Variants in LRRC8E observed in about 807,000 individuals in gnomAD.
LRRC8E encodes volume-regulated anion channel subunit LRRC8E.
In LRRC8E, 6 loss-of-function variants were observed where a neutral mutation model predicts 6.1. That is an observed-to-expected ratio of 0.98 (90% confidence interval 0.54 to 1.93). The LOEUF is 1.93. Among genes scored for constraint, LRRC8E ranks in the 30% most tolerant of loss-of-function variants. LRRC8E has a pLI of 0.01. For synonymous variants in LRRC8E, 485 were observed against 472.8 expected (o/e 1.03, Z -0.33); for missense variants, 1,028 against 1,031.4 (o/e 1.00, Z 0.04).
chr19:7,897,041 G>A (rs764282586), intron 2 of LRRC8E, among the ~76,000 whole-genome samples: 7 of 152,170 alleles, frequency 4.6e-5, no homozygotes, highest in Non-Finnish European at 7.3e-5. Context: ...GTCTGGTTCT[G>A]GAGGCCAGAA....
intron 1 of LRRC8E, among the ~76,000 whole-genome samples, chr19:7,892,270 C>T (rs1057095370): frequency 5.3e-5 from 8 of 151,986 alleles, no homozygotes; most frequent in Non-Finnish European, 7.4e-5. Flanking sequence ...GACGGGGTTT[C>T]GCCGCATTAG....
Position 7,899,881 on chromosome 19 carries a change from C to A in LRRC8E, c.1359C>A (p.Pro453=), listed in dbSNP as rs1981860873. The part of the protein sequence containing the change: ...RLEAICDITF[P]PGLSQLVHLQ... ...AGGCCATCTGCGATATCACCTTCCC[C>A]CCGGGGCTGTCACAGCTGGTGCACT... The change falls in exon 3 of 3, where the codon CCC becomes CCA. Residue 453 remains proline (P), a synonymous_variant. Coordinates refer to ENST00000306708, the MANE Select transcript of LRRC8E (RefSeq NM_025061.6). 6.2e-7 allele frequency: 1 copy of A among 1,606,936 alleles called. No homozygotes were observed. The highest frequency in any genetic ancestry group is 1.1e-5 in the South Asian group (1 of 91,082).
intron 1 of LRRC8E, among the ~76,000 whole-genome samples, chr19:7,894,766 C>T (rs1981489331): frequency 6.6e-6 from 1 of 152,186 alleles, no homozygotes; most frequent in Admixed American, 6.5e-5. Context: ...AAAGGAGACC[C>T]TGGGAACAGA....
In LRRC8E at chr19:7,900,532, C is replaced by T. The variant is rs774528306; in HGVS notation, c.2010C>T (p.Ser670=). The change falls in exon 3 of 3, where the codon TCC becomes TCT. Residue 670 remains serine (S), a synonymous_variant. Coordinates refer to ENST00000306708, the MANE Select transcript of LRRC8E (RefSeq NM_025061.6). This position sits in a 1 kb window ranked among gnomAD's most constrained non-coding sequence, Gnocchi z 5.0. Reference sequence around the variant, plus strand: ...ACAACAAGCTGGAGACCCTGCCCTCCCAGCTCGGCCTGTGCTCAGGCCTCC... The same window carrying T: ...ACAACAAGCTGGAGACCCTGCCCTCTCAGCTCGGCCTGTGCTCAGGCCTCC... ...LSYNKLETLP[S]QLGLCSGLRL... is the part of the protein sequence containing the mutation. 1.9e-6 allele frequency: 3 copies of T among 1,613,084 alleles called. No homozygotes were observed. In the South Asian group the frequency reaches 3.3e-5, roughly 18 times the overall value.
In LRRC8E at chr19:7,898,728, G is replaced by A. The variant is rs771478399; in HGVS notation, c.206G>A (p.Cys69Tyr). The change falls in exon 3 of 3, where the codon TGC (cysteine) becomes TAC (tyrosine). Residue 69 changes from cysteine to tyrosine, a missense_variant. By Grantham distance (194) the Cys-to-Tyr change is radical. Coordinates refer to ENST00000306708, the MANE Select transcript of LRRC8E (RefSeq NM_025061.6). ...ELQENLSEAP[C>Y]QQLLPRGIPE... Reference sequence around the variant, plus strand: ...CAGGAGAACTTATCAGAGGCCCCGTGCCAGCAATTGCTGCCTCGGGGGATC... The same window carrying A: ...CAGGAGAACTTATCAGAGGCCCCGTACCAGCAATTGCTGCCTCGGGGGATC... 5.4e-5 allele frequency: 87 copies of A among 1,613,850 alleles called. No individual in the cohort carries two copies. The highest frequency in any genetic ancestry group is 1.3e-5 in the Non-Finnish European group (15 of 1,179,964).
intron 2 of LRRC8E, among the ~76,000 whole-genome samples, chr19:7,897,914 C>G (rs1378067104): frequency 6.6e-6 from 1 of 151,982 alleles, no homozygotes; most frequent in Non-Finnish European, 1.5e-5. Context: ...TTTTCTCAGA[C>G]AAAGACCAGT....
Position 7,900,263 on chromosome 19 carries a change from C to A in LRRC8E, c.1741C>A (p.Leu581Met). ...RLVALNSLKK[L>M]AALRELELVA... is the part of the protein sequence containing the mutation. Reference sequence around the variant, plus strand: ...GGTTGCCCTGAACAGCCTCAAGAAGCTGGCGGCATTGCGGGAGCTGGAGCT... The same window carrying A: ...GGTTGCCCTGAACAGCCTCAAGAAGATGGCGGCATTGCGGGAGCTGGAGCT... The change falls in exon 3 of 3, where the codon CTG becomes ATG. Residue 581 changes from leucine to methionine, a missense_variant. Coordinates refer to ENST00000306708, the MANE Select transcript of LRRC8E (RefSeq NM_025061.6). This position sits in a 1 kb window ranked among gnomAD's most constrained non-coding sequence, Gnocchi z 5.0. The A allele has an allele frequency of 6.2e-7, 1 of 1,613,444 alleles. No homozygotes were observed. The highest frequency in any genetic ancestry group is 8.5e-7 in the Non-Finnish European group (1 of 1,180,026).
rs1382734038 is a variant in LRRC8E, at chr19:7,895,741, G to T, written c.138G>T (p.Gln46His). 1 of 1,612,352 alleles carries T rather than the reference G, an allele frequency of 6.2e-7. No homozygotes were observed. The highest frequency in any genetic ancestry group is 1.1e-5 in the South Asian group (1 of 91,054). Residue 46 changes from glutamine to histidine, a missense_variant and splice_region_variant, in exon 2 of 3, where the codon CAG (glutamine) becomes CAT (histidine). Coordinates refer to ENST00000306708, the MANE Select transcript of LRRC8E (RefSeq NM_025061.6). This position sits in a 1 kb window ranked among gnomAD's most constrained non-coding sequence, Gnocchi z 4.7. Reference sequence around the variant, plus strand: ...TTGGGGTCTTTGGCTGCACCCTCCAGGTGAGGCCCTCCCCTGGCAAGGGGG... The same window carrying T: ...TTGGGGTCTTTGGCTGCACCCTCCATGTGAGGCCCTCCCCTGGCAAGGGGG... ...LMIGVFGCTL[Q>H]VTQDKIICLP...
chr19:7,899,796 T>C lies in LRRC8E; in HGVS notation c.1274T>C (p.Met425Thr). 3 of 1,608,682 alleles carry C rather than the reference T, an allele frequency of 1.9e-6. No homozygotes were observed. The highest frequency in any genetic ancestry group is 2.5e-6 in the Non-Finnish European group (3 of 1,179,986). ...GGCCGGCTGGAGCTGGCCCTCTGCATGCTGCCGGGTCTGCCCGACACCGTC... is the reference window on the plus strand; with the variant it reads ...GGCCGGCTGGAGCTGGCCCTCTGCACGCTGCCGGGTCTGCCCGACACCGTC... The part of the protein sequence containing the change: ...AAGRLELALC[M>T]LPGLPDTVFE... Residue 425 changes from methionine (M) to threonine (T), a missense_variant, in exon 3 of 3, where the codon ATG becomes ACG. By Grantham distance (81) the Met-to-Thr change is moderately conservative (BLOSUM62 -1). Coordinates refer to ENST00000306708, the MANE Select transcript of LRRC8E (RefSeq NM_025061.6).
chr19:7,900,927 C>T lies in LRRC8E; in HGVS notation c.*14C>T. The T allele has an allele frequency of 6.6e-7, 1 of 1,509,202 alleles. No individual in the cohort carries two copies. The highest frequency in any genetic ancestry group is 8.8e-7 in the Non-Finnish European group (1 of 1,130,772). 93.5% of individuals were successfully genotyped at this position (1,509,202 alleles called of 1,614,324 possible). ...GAGGAGGAATGAAGCTGGGGTGGGG[C>T]CGTTTTAGGTAGAGCCTTAAAAATG... On this transcript the variant is annotated 3_prime_UTR_variant, in exon 3 of 3. Coordinates refer to ENST00000306708, the MANE Select transcript of LRRC8E (RefSeq NM_025061.6). This position sits in a 1 kb window ranked among gnomAD's most constrained non-coding sequence, Gnocchi z 5.0.
At position 7,895,484 on chromosome 19, in the gene LRRC8E, G is replaced by A; in HGVS notation, c.-5-115G>A. 1.5e-6 allele frequency: 2 copies of A among 1,356,268 alleles called. No individual in the cohort carries two copies. The highest frequency in any genetic ancestry group is 1.0e-6 in the Non-Finnish European group (1 of 974,124). The allele number at this position is 1,356,268 out of a possible 1,614,324, so 84.0% of individuals were successfully genotyped here. A position where few individuals can be genotyped will look rare whatever the true frequency, so the allele number is the denominator to read the frequency against. ...GCACACACTTTGGTGGTTTGGACAA[G>A]TTTGGGCAGGGAGGGTCACAGGCCT... On this transcript the variant is annotated intron_variant, in intron 1 of 2. Transcript: ENST00000306708. The surrounding 1 kb of genome is among the most constrained non-coding windows in gnomAD (Gnocchi z 4.7).
Position 7,895,650 on chromosome 19 carries a change from C to T in LRRC8E, c.47C>T (p.Ala16Val). 6.2e-7 allele frequency: 1 copy of T among 1,614,112 alleles called. No individual in the cohort carries two copies. The highest frequency in any genetic ancestry group is 8.5e-7 in the Non-Finnish European group (1 of 1,179,988). ...AAGCAGTTCACGGAACAGCAGCCTGCGTTCAAGGTGCTCAAACCCTGGTGG... is the reference window on the plus strand; with the variant it reads ...AAGCAGTTCACGGAACAGCAGCCTGTGTTCAAGGTGCTCAAACCCTGGTGG... ...EFKQFTEQQPAFKVLKPWWDV... is the reference protein window; with the variant it reads ...EFKQFTEQQPVFKVLKPWWDV... Residue 16 changes from alanine (A) to valine (V), a missense_variant, in exon 2 of 3, where the codon GCG becomes GTG. Coordinates refer to ENST00000306708, the MANE Select transcript of LRRC8E (RefSeq NM_025061.6). This position sits in a 1 kb window ranked among gnomAD's most constrained non-coding sequence, Gnocchi z 4.7.
intron 2 of LRRC8E, 150 bp from the exon 3 acceptor site, chr19:7,898,511 C>T (rs1029733294): frequency 1.5e-6 from 1 of 685,566 alleles, no homozygotes; most frequent in Non-Finnish European, 2.5e-6. Context: ...AGGTGCCCAC[C>T]ACCATGCCCG....
rs757052284 is a variant in LRRC8E at position 7,898,636 on chromosome 19, G to A, written c.139-25G>A. On this transcript the variant is annotated intron_variant, in intron 2 of 2. Coordinates refer to ENST00000306708, the MANE Select transcript of LRRC8E (RefSeq NM_025061.6). ...GGCCTCCCAAAGTGCTAGGATTACA[G>A]CCCTCATTCTCTTTTGCTCCTCAGG... The A allele has an allele frequency of 3.2e-6, 5 of 1,571,974 alleles. No homozygotes were observed. The Admixed American group carries it at 9.0e-5, about 28-fold the overall frequency.
chr19:7,899,561 G>A lies in LRRC8E; in HGVS notation c.1039G>A (p.Val347Met), dbSNP rs770333351. 24 of 1,613,744 alleles carry A rather than the reference G, an allele frequency of 1.5e-5. No individual in the cohort carries two copies. Among genetic ancestry groups the A allele is most frequent in the Admixed American group, 5.0e-5 (3 of 59,998 alleles). ...CCTCAAGGAGTACTCCTTCCGTTCC[G>A]TGCGGGAGGAGACTGGCATGGGGGA... ...RPLKEYSFRS[V>M]REETGMGDIP... The change falls in exon 3 of 3, where the codon GTG becomes ATG. Residue 347 changes from valine to methionine, a missense_variant. By Grantham distance (21) the Val-to-Met change is conservative. Transcript: ENST00000306708.
rs778982100 is a variant in LRRC8E, at chr19:7,900,149, C to T, written c.1627C>T (p.Arg543Trp). 47 of 1,612,806 alleles carry T rather than the reference C, an allele frequency of 2.9e-5. No individual in the cohort carries two copies. The Middle Eastern group carries it at 1.5e-3, about 51-fold the overall frequency. Residue 543 changes from arginine to tryptophan, a missense_variant, in exon 3 of 3, where the codon CGG (arginine) becomes TGG (tryptophan). Physicochemically the swap from Arg to Trp is moderately radical, Grantham distance 101 (BLOSUM62 -3). Transcript: ENST00000306708. The surrounding 1 kb of genome is among the most constrained non-coding windows in gnomAD (Gnocchi z 5.0). ...GAAGCAGCTCAAGGTGTTGTCCCTC[C>T]GGAGCAACGCCGGGAAGGTGCCAGC... ...ELKQLKVLSLRSNAGKVPASV... is the reference protein window; with the variant it reads ...ELKQLKVLSLWSNAGKVPASV...
At position 7,899,427 on chromosome 19, in the gene LRRC8E, A is replaced by G. The variant is rs144897674; in HGVS notation, c.905A>G (p.Asn302Ser). 282 of 1,614,104 alleles carry G rather than the reference A, an allele frequency of 1.7e-4. No individual in the cohort carries two copies. The highest frequency in any genetic ancestry group is 1.5e-5 in the Non-Finnish European group (18 of 1,180,006). Residue 302 changes from asparagine (N) to serine (S), a missense_variant, in exon 3 of 3, where the codon AAC becomes AGC. By Grantham distance (46) the Asn-to-Ser change is conservative. Coordinates refer to ENST00000306708, the MANE Select transcript of LRRC8E (RefSeq NM_025061.6). Reference sequence around the variant, plus strand: ...ACGGGCTACGCCAGCTTCTGCTGCAACCACACCAAGGCCCACCTCTTCTCC... The same window carrying G: ...ACGGGCTACGCCAGCTTCTGCTGCAGCCACACCAAGGCCCACCTCTTCTCC... Reference protein sequence around the residue: ...EVTGYASFCCNHTKAHLFSKL... With the variant: ...EVTGYASFCCSHTKAHLFSKL...
chr19:7,901,026 G>GA lies in LRRC8E; in HGVS notation c.*113_*114insA. The GA allele has an allele frequency of 1.5e-6, 1 of 647,038 alleles. No individual in the cohort carries two copies. Among genetic ancestry groups the GA allele is most frequent in the Non-Finnish European group, 2.5e-6 (1 of 407,808 alleles). The allele number at this position is 647,038 out of a possible 1,614,324, so 40.1% of individuals were successfully genotyped here. On this transcript the variant is annotated 3_prime_UTR_variant, in exon 3 of 3. Coordinates refer to ENST00000306708, the MANE Select transcript of LRRC8E (RefSeq NM_025061.6). ...TGGGTCCAGGCCAGGAGATGGGGGG[G>GA]GCGGGGGCAGCTGTGTCATCTTTCT...
At position 7,900,142 on chromosome 19, in the gene LRRC8E, G is replaced by C; in HGVS notation, c.1620G>C (p.Leu540Phe). The change falls in exon 3 of 3, where the codon TTG becomes TTC. Residue 540 changes from leucine (L) to phenylalanine (F), a missense_variant. Transcript: ENST00000306708. The surrounding 1 kb of genome is among the most constrained non-coding windows in gnomAD (Gnocchi z 5.0). ...SLRELKQLKV[L>F]SLRSNAGKVP... ...GGGAGCTGAAGCAGCTCAAGGTGTT[G>C]TCCCTCCGGAGCAACGCCGGGAAGG... 6.2e-7 allele frequency: 1 copy of C among 1,612,932 alleles called. No homozygotes were observed. The highest frequency in any genetic ancestry group is 8.5e-7 in the Non-Finnish European group (1 of 1,179,998).
Sources: allele counts gnomAD v4.1 joint callset (sites outside exome capture counted in the v4.1 genomes callset), GRCh38; gene constraint gnomAD v4.1.1; non-coding constraint Gnocchi (gnomAD v3.1); transcripts MANE v1.5; gene names NCBI Gene and HGNC (gene_info 2026-07-23, HGNC 2026-07-21).